The following RCAN3 variants were observed in gnomAD, a reference collection of about 807,000 sequenced individuals.
RCAN3 encodes regulator of calcineurin 3.
In RCAN3, 19 loss-of-function variants were observed where a neutral mutation model predicts 21.9. The ratio of observed to expected loss-of-function variants is 0.87; its 90% confidence interval spans 0.61 to 1.27. RCAN3 has a LOEUF of 1.27. RCAN3 is among the 50% of genes most tolerant of loss of function. The pLI is 0.00. For synonymous variants in RCAN3, 114 were observed against 112.3 expected (o/e 1.01, Z -0.09); for missense variants, 240 against 300.1 (o/e 0.80, Z 1.48).
chr1:24,513,990 T>C (rs1436545298), intron 1 of RCAN3, among the ~76,000 whole-genome samples: 1 of 152,220 alleles, frequency 6.6e-6, no homozygotes, highest in Non-Finnish European at 1.5e-5. Flanking sequence ...ACATTTTTCT[T>C]TCTACTGCTT....
chr1:24,531,976 C>T (rs936176269), intron 3 of RCAN3, among the ~76,000 whole-genome samples: 9 of 151,968 alleles, frequency 5.9e-5, no homozygotes, highest in Admixed American at 1.3e-4. Context: ...GGAGATTACT[C>T]GTGTATTAAA....
chr1:24,532,984 T>TA (rs1448042309), intron 3 of RCAN3, 99 bp from the exon 4 acceptor site: 37 of 730,256 alleles, frequency 5.1e-5, no homozygotes, highest in Non-Finnish European at 6.1e-5. Context: ...AAGAAATGTT[T>TA]AATTTTCTAC....
At chr1:24,524,352 C>CT (rs1314797002) in intron 2 of RCAN3, among the ~76,000 whole-genome samples, 1 of 152,166 alleles carries the variant, frequency 6.6e-6, no homozygotes, top group Non-Finnish European at 1.5e-5. Flanking sequence ...TTACAGGTTT[C>CT]TTTCTGATCT....
chr1:24,518,003 C>T (rs375613029), intron 2 of RCAN3, among the ~76,000 whole-genome samples: 2 of 151,924 alleles, frequency 1.3e-5, no homozygotes, highest in Non-Finnish European at 2.9e-5. Context: ...AGAATAATCC[C>T]GATTGCAATT....
At chr1:24,528,213 G>T (rs987767491) in intron 2 of RCAN3, among the ~76,000 whole-genome samples, 4 of 149,764 alleles carry the variant, frequency 2.7e-5, no homozygotes, top group African/African-American at 9.9e-5. Context: ...TTTCATTCAG[G>T]GGAGGAAAAT....
At chr1:24,524,828 G>C (rs200292008) in intron 2 of RCAN3, among the ~76,000 whole-genome samples, 2 of 127,232 alleles carry the variant, frequency 1.6e-5, no homozygotes, top group African/African-American at 3.0e-5. Flanking sequence ...GTTTTCTTTT[G>C]TTTTTTTTTT....
chr1:24,515,153 C>T (rs907506029), intron 2 of RCAN3, among the ~76,000 whole-genome samples: 2 of 152,122 alleles, frequency 1.3e-5, no homozygotes, highest in African/African-American at 4.8e-5. Flanking sequence ...AATCCATTCA[C>T]TTATTTATTC....
At chr1:24,520,894 C>G (rs540577373) in intron 2 of RCAN3, among the ~76,000 whole-genome samples, 1 of 152,182 alleles carries the variant, frequency 6.6e-6, no homozygotes, top group East Asian at 1.9e-4. Context: ...CTAAAGTGCT[C>G]TACAGATTCA....
chr1:24,510,016 A>G (rs887502858), intron 1 of RCAN3, among the ~76,000 whole-genome samples: 5 of 152,210 alleles, frequency 3.3e-5, no homozygotes, highest in African/African-American at 1.2e-4. Flanking sequence ...GTCAACGAGA[A>G]CAATGTTTTG....
rs757331298 is a variant in RCAN3 at position 24,535,113 on chromosome 1, G to T, written c.562G>T (p.Ala188Ser). 1.3e-5 allele frequency: 20 copies of T among 1,595,922 alleles called. No individual in the cohort carries two copies. Among genetic ancestry groups the T allele is most frequent in the Non-Finnish European group, 1.7e-5 (20 of 1,173,918 alleles). Residue 188 changes from alanine (A) to serine (S), a missense_variant, in exon 5 of 5, where the codon GCG becomes TCG. Physicochemically the swap from Ala to Ser is moderately conservative, Grantham distance 99. Transcript: ENST00000374395. The stretch of plus-strand genomic sequence containing the variant: ...TGCAGGAGAGAAATATGAACTTCAC[G>T]CGGGAACAGAGTCGACACCCAGCGT... The part of the protein sequence containing the change: ...LGPGEKYELH[A>S]GTESTPSVVV...
chr1:24,512,505 A>G (rs1400103678), intron 1 of RCAN3, among the ~76,000 whole-genome samples: 1 of 152,172 alleles, frequency 6.6e-6, no homozygotes, highest in African/African-American at 2.4e-5. Context: ...ACCAAGCAGT[A>G]GGCACTCAGA....
intron 2 of RCAN3, among the ~76,000 whole-genome samples, chr1:24,518,157 T>G (rs538498748): frequency 6.6e-6 from 1 of 151,948 alleles, no homozygotes; most frequent in Non-Finnish European, 1.5e-5. Flanking sequence ...AGACCCCATC[T>G]CTATAAAAAA....
At chr1:24,518,521 T>C (rs1207269789) in intron 2 of RCAN3, among the ~76,000 whole-genome samples, 2 of 152,198 alleles carry the variant, frequency 1.3e-5, no homozygotes, top group East Asian at 1.9e-4. Context: ...TCATTTTTCT[T>C]TGACAGATTT....
rs1388074957 is a variant in RCAN3, at chr1:24,535,171, A to G, written c.620A>G (p.Glu207Gly). The G allele has an allele frequency of 6.3e-7, 1 of 1,595,286 alleles. No homozygotes were observed. The highest frequency in any genetic ancestry group is 1.4e-5 in the African/African-American group (1 of 73,496). ...VVHVCESETEEEEETKNPKQK... is the reference protein window; with the variant it reads ...VVHVCESETEGEEETKNPKQK... Reference sequence around the variant, plus strand: ...CATGTCTGTGAAAGTGAAACTGAAGAGGAAGAAGAGACAAAAAACCCCAAA... The same window carrying G: ...CATGTCTGTGAAAGTGAAACTGAAGGGGAAGAAGAGACAAAAAACCCCAAA... Residue 207 changes from glutamate to glycine, a missense_variant, in exon 5 of 5, where the codon GAG (glutamate) becomes GGG (glycine). Physicochemically the swap from Glu to Gly is moderately conservative, Grantham distance 98. Coordinates refer to ENST00000374395, the MANE Select transcript of RCAN3 (RefSeq NM_013441.4).
chr1:24,502,848 G>C lies in RCAN3; in HGVS notation c.-362G>C, dbSNP rs1024556907. On this transcript the variant is annotated 5_prime_UTR_variant, in exon 1 of 5. Transcript: ENST00000374395. ...CGCGCGCCCTGCCAGAACAGGAGGG[G>C]ACGAGGCGGGCGCGCGGCGCCGGCA... 2.0e-5 allele frequency: 3 copies of C among 150,362 alleles called. No individual in the cohort carries two copies. Among genetic ancestry groups the C allele is most frequent in the African/African-American group, 7.3e-5 (3 of 41,218 alleles). 9.3% of individuals were successfully genotyped at this position (150,362 alleles called of 1,614,324 possible).
At chr1:24,531,875 C>G (rs1205026643) in intron 3 of RCAN3, among the ~76,000 whole-genome samples, 2 of 152,060 alleles carry the variant, frequency 1.3e-5, no homozygotes, top group Non-Finnish European at 2.9e-5. Context: ...CTGTAGGGTA[C>G]CAAAAATTGG....
chr1:24,536,946 G>A lies in RCAN3; in HGVS notation c.*1669G>A, dbSNP rs996200582. The A allele has an allele frequency of 1.3e-5, 2 of 151,868 alleles. No homozygotes were observed. Among genetic ancestry groups the A allele is most frequent in the Non-Finnish European group, 2.9e-5 (2 of 67,974 alleles). The allele number at this position is 151,868 out of a possible 1,614,324, so 9.4% of individuals were successfully genotyped here. A position where few individuals can be genotyped will look rare whatever the true frequency, so the allele number is the denominator to read the frequency against. On this transcript the variant is annotated 3_prime_UTR_variant, in exon 5 of 5. Coordinates refer to ENST00000374395, the MANE Select transcript of RCAN3 (RefSeq NM_013441.4). ...TTTGCAATTCTATCAGCAATTTAAT[G>A]TATTGAATTCAGATCATCATTTGTC...
intron 2 of RCAN3, among the ~76,000 whole-genome samples, chr1:24,524,385 A>G (rs196410): frequency 0.46 from 69,980 of 152,028 alleles, 16,454 homozygotes; most frequent in East Asian, 0.72. Context: ...ATGGCAACAT[A>G]AATAATAAAG....
rs565163795 is a variant in RCAN3 at position 24,511,791 on chromosome 1, A to T, written c.-59-2523A>T. 2.2e-4 allele frequency among the ~76,000 whole-genome samples: 34 copies of T among 152,346 alleles called. No homozygotes were observed. In the South Asian group the frequency reaches 6.6e-3, roughly 30 times the overall value. On this transcript the variant is annotated intron_variant, in intron 1 of 4. Coordinates refer to ENST00000374395, the MANE Select transcript of RCAN3 (RefSeq NM_013441.4). ...GTGACAAGCCTTCACTTTGGAAAAAATGCAGTGCAGTGTGATAAAGTGACG... is the reference window on the plus strand; with the variant it reads ...GTGACAAGCCTTCACTTTGGAAAAATTGCAGTGCAGTGTGATAAAGTGACG...
Sources: gnomAD v4.1 joint callset for allele counts (sites outside exome capture counted in the v4.1 genomes callset) on GRCh38, gnomAD v4.1.1 for gene constraint, MANE v1.5 for transcripts, NCBI Gene and HGNC (gene_info 2026-07-23, HGNC 2026-07-21) for gene names.